The following KHSRP variants were observed in gnomAD, a reference collection of about 807,000 sequenced individuals.
KHSRP encodes KH-type splicing regulatory protein, also known as far upstream element-binding protein 2.
KHSRP carries 13 observed loss-of-function variants against 94.9 expected under a neutral mutation model. The ratio of observed to expected loss-of-function variants is 0.14; its 90% CI spans 0.09 to 0.22. KHSRP has a LOEUF of 0.22. KHSRP is among the 10% of genes least tolerant of loss of function. KHSRP has a pLI of 1.00. For missense variants in KHSRP, 710 were observed against 1,010.0 expected (o/e 0.70, Z 4.03); for synonymous variants, 495 against 401.4 (o/e 1.23, Z -2.79).
chr19:6,418,934 C>A lies in KHSRP; in HGVS notation c.606-58G>T, dbSNP rs1418017013. The A allele has an allele frequency of 6.8e-6, 10 of 1,475,904 alleles. No homozygotes were observed. The highest frequency in any genetic ancestry group is 1.4e-5 in the South Asian group (1 of 71,404). 91.4% of individuals were successfully genotyped at this position (1,475,904 alleles called of 1,614,324 possible). A position where few individuals can be genotyped will look rare whatever the true frequency, so the allele number is the denominator to read the frequency against. ...GCCACCGCTGGAGAAAGGTACTGGT[C>A]TGGTGGCCCACCCAGCTCAAAGGGA... On this transcript the variant is annotated intron_variant, in intron 7 of 18. Transcript: ENST00000600480. The surrounding 1 kb of genome is among the most constrained non-coding windows in gnomAD (Gnocchi z 4.3).
In KHSRP at chr19:6,416,666, A is replaced by T. The variant is rs778983369; in HGVS notation, c.1328-16T>A. The T allele has an allele frequency of 6.2e-7, 1 of 1,613,776 alleles. No individual in the cohort carries two copies. Among genetic ancestry groups the T allele is most frequent in the Non-Finnish European group, 8.5e-7 (1 of 1,179,758 alleles). Reference sequence around the variant, plus strand: ...TTCTCGCCACCTGCAGAAACGCAGAAGGTGAAGGTGGCCTGCAGTGATGGC... The same window carrying T: ...TTCTCGCCACCTGCAGAAACGCAGATGGTGAAGGTGGCCTGCAGTGATGGC... On this transcript the variant is annotated splice_polypyrimidine_tract_variant and intron_variant, in intron 13 of 18. Transcript: ENST00000600480.
chr19:6,418,149 G>C lies in KHSRP; in HGVS notation c.880-70C>G, dbSNP rs1206225454. ...CCCACACCCCCCCACCTCCTCGGGG[G>C]TGCGGGCCTCAACTAAGGACCCACG... is the stretch of plus-strand genomic sequence containing the variant. On this transcript the variant is annotated intron_variant, in intron 9 of 18. Coordinates refer to ENST00000600480, the MANE Select transcript of KHSRP (RefSeq NM_001366299.1). The surrounding 1 kb of genome is among the most constrained non-coding windows in gnomAD (Gnocchi z 4.3). 7.0e-7 allele frequency: 1 copy of C among 1,421,094 alleles called. No individual in the cohort carries two copies. The highest frequency in any genetic ancestry group is 1.4e-5 in the African/African-American group (1 of 71,082). The allele number at this position is 1,421,094 out of a possible 1,614,324, so 88.0% of individuals were successfully genotyped here.
chr19:6,419,634 C>CTT (rs1458037633), intron 6 of KHSRP, among the ~76,000 whole-genome samples: 1 of 152,224 alleles, frequency 6.6e-6, no homozygotes, highest in Admixed American at 6.5e-5. Flanking sequence ...GCTCAGGACT[C>CTT]TGAGATTCGA....
chr19:6,418,423 G>T lies in KHSRP; in HGVS notation c.879+60C>A. 1 of 1,245,614 alleles carries T rather than the reference G, an allele frequency of 8.0e-7. No homozygotes were observed. The highest frequency in any genetic ancestry group is 1.2e-6 in the Non-Finnish European group (1 of 854,762). 77.2% of individuals were successfully genotyped at this position (1,245,614 alleles called of 1,614,324 possible). ...CGGAATGCAGACCCCGAGACCGCTG[G>T]CCCTGCCCACCTGCCCGTGCCTCTC... On this transcript the variant is annotated intron_variant, in intron 9 of 18. Transcript: ENST00000600480. The surrounding 1 kb of genome is among the most constrained non-coding windows in gnomAD (Gnocchi z 4.3).
chr19:6,419,750 G>A (rs184558016), intron 6 of KHSRP, among the ~76,000 whole-genome samples: 1,594 of 152,296 alleles, frequency 0.01, 15 homozygotes, highest in South Asian at 0.029. Context: ...CCTGTCTCAC[G>A]CAGTCTTGCC....
chr19:6,420,175 C>A, intron 5 of KHSRP, 31 bp from the exon 6 acceptor site: 1 of 1,587,824 alleles, frequency 6.3e-7, no homozygotes, highest in Non-Finnish European at 8.6e-7. Flanking sequence ...AAAAGCAAAG[C>A]GTGATGAGGG....
At position 6,416,607 on chromosome 19, in the gene KHSRP, G is replaced by A. The variant is rs760146440; in HGVS notation, c.1371C>T (p.Phe457=). 7.4e-6 allele frequency: 12 copies of A among 1,613,728 alleles called. No individual in the cohort carries two copies. The highest frequency in any genetic ancestry group is 1.7e-5 in the Admixed American group (1 of 59,976). The part of the protein sequence containing the change: ...VKAINQQTGA[F]VEISRQLPPN... The stretch of plus-strand genomic sequence containing the variant: ...GTGGCAGCTGCCGGGAGATCTCTAC[G>A]AAGGCTCCCGTCTGCTGGTTTATGG... The change falls in exon 14 of 19, where the codon TTC becomes TTT. Residue 457 remains phenylalanine (F), a synonymous_variant. Transcript: ENST00000600480.
chr19:6,421,394 G>A, intron 3 of KHSRP, 77 bp from the exon 4 acceptor site: 1 of 1,454,038 alleles, frequency 6.9e-7, no homozygotes, highest in Non-Finnish European at 9.4e-7. Flanking sequence ...CCGGGTCAGT[G>A]GGAGCTGAGC....
Position 6,418,086 on chromosome 19 carries a change from A to T in KHSRP, c.880-7T>A, listed in dbSNP as rs892681831. 5.0e-6 allele frequency: 8 copies of T among 1,613,030 alleles called. No homozygotes were observed. The highest frequency in any genetic ancestry group is 6.8e-6 in the Non-Finnish European group (8 of 1,179,152). On this transcript the variant is annotated splice_region_variant and splice_polypyrimidine_tract_variant and intron_variant, in intron 9 of 18. Transcript: ENST00000600480. The surrounding 1 kb of genome is among the most constrained non-coding windows in gnomAD (Gnocchi z 4.3). Reference sequence around the variant, plus strand: ...TCACCATCTCACAGGCTTGCTGCAAACACACAGGAAGCAGCCCCCATGGGT... The same window carrying T: ...TCACCATCTCACAGGCTTGCTGCAATCACACAGGAAGCAGCCCCCATGGGT...
chr19:6,416,057 G>A (rs560079746), intron 15 of KHSRP, among the ~76,000 whole-genome samples, 161 bp from the exon 16 acceptor site: 7 of 152,350 alleles, frequency 4.6e-5, no homozygotes, highest in Admixed American at 1.3e-4. Context: ...CAACTCGAAG[G>A]ACGCGCAGCG....
rs1599236368 is a variant in KHSRP, at chr19:6,415,636, G to C, written c.1786C>G (p.Pro596Ala). The C allele has an allele frequency of 6.5e-7, 1 of 1,531,398 alleles. No homozygotes were observed. The highest frequency in any genetic ancestry group is 2.5e-5 in the East Asian group (1 of 40,748). The allele number at this position is 1,531,398 out of a possible 1,614,324, so 94.9% of individuals were successfully genotyped here. ...TGAGCCGGTGGGGCCGCAGGGGCCG[G>C]TGCGGGGCCGGGGACGGGGCCCGGG... is the stretch of plus-strand genomic sequence containing the variant. ...QPPGPVPGPA[P>A]APAAPPAQGE... Residue 596 changes from proline to alanine, a missense_variant, in exon 17 of 19, where the codon CCG becomes GCG. Around this residue, in one of 5 missense-constraint regions of KHSRP, gnomAD observed 292 missense variants for 340.5 expected, o/e 0.86. Coordinates refer to ENST00000600480, the MANE Select transcript of KHSRP (RefSeq NM_001366299.1).
At chr19:6,419,657 T>C (rs1469892573) in intron 6 of KHSRP, among the ~76,000 whole-genome samples, 1 of 152,168 alleles carries the variant, frequency 6.6e-6, no homozygotes, top group African/African-American at 2.4e-5. Context: ...GGTAACTACA[T>C]TGCCTGAGAG....
chr19:6,423,764 G>A (rs2092209648), intron 1 of KHSRP, among the ~76,000 whole-genome samples: 1 of 152,192 alleles, frequency 6.6e-6, no homozygotes, highest in South Asian at 2.1e-4. Flanking sequence ...CCAGGCCATG[G>A]GGAGGCTGCA....
chr19:6,414,437 CACG>C lies in KHSRP; in HGVS notation c.*584_*586del, dbSNP rs1220383763. 6.9e-5 allele frequency: 86 copies of C among 1,247,326 alleles called. No individual in the cohort carries two copies. The highest frequency in any genetic ancestry group is 7.9e-5 in the Non-Finnish European group (78 of 992,550). 77.3% of individuals were successfully genotyped at this position (1,247,326 alleles called of 1,614,324 possible). ...CGGAGGGCGGTGGCTCCCGGCGCAG[CACG>C]ACGACATGAACAATCCAGAGATCAT... On this transcript the variant is annotated 3_prime_UTR_variant, in exon 19 of 19. Coordinates refer to ENST00000600480, the MANE Select transcript of KHSRP (RefSeq NM_001366299.1).
chr19:6,422,100 G>A (rs761786694), intron 2 of KHSRP, among the ~76,000 whole-genome samples: 1 of 152,146 alleles, frequency 6.6e-6, no homozygotes, highest in Non-Finnish European at 1.5e-5. Flanking sequence ...CCCAGAAAGG[G>A]AGGAATCATC....
At chr19:6,417,674 C>CA in intron 11 of KHSRP, 65 bp downstream of exon 11, 1 of 1,427,942 alleles carries the variant, frequency 7.0e-7, no homozygotes, top group Non-Finnish European at 9.8e-7. Flanking sequence ...CCAGCTCCCT[C>CA]AGAGCCTGCC....
At position 6,415,886 on chromosome 19, in the gene KHSRP, GC is replaced by G. The variant is rs763740814; in HGVS notation, c.1608del (p.Pro538LeufsTer196). ...TGGGGTGGGTACTGGTGAGGAGGGG[GC>G]CCCCCGGCACTGCAGGAGAGAAGAA... is the stretch of plus-strand genomic sequence containing the variant. ...GPPGAPPHAG[G>X]PPPHQYPPQG... On this transcript the variant is annotated frameshift_variant, in exon 16 of 19. Transcript: ENST00000600480. LOFTEE classifies it high-confidence loss of function. The G allele has an allele frequency of 2.4e-5, 36 of 1,523,516 alleles. No homozygotes were observed. The highest frequency in any genetic ancestry group is 6.4e-5 in the South Asian group (5 of 78,668). The allele number at this position is 1,523,516 out of a possible 1,614,324, so 94.4% of individuals were successfully genotyped here.
rs753117969 is a variant in KHSRP, at chr19:6,420,031, A to C, written c.547+42T>G. Reference sequence around the variant, plus strand: ...AATTAAAGGAAAGTGCAAAGGGCCCAACCCTGGCCCCCACTCTGGCAGGAA... The same window carrying C: ...AATTAAAGGAAAGTGCAAAGGGCCCCACCCTGGCCCCCACTCTGGCAGGAA... On this transcript the variant is annotated intron_variant, in intron 6 of 18. Transcript: ENST00000600480. 2.7e-6 allele frequency: 4 copies of C among 1,486,594 alleles called. No homozygotes were observed. The South Asian group carries it at 4.6e-5, about 17-fold the overall frequency. The allele number at this position is 1,486,594 out of a possible 1,614,324, so 92.1% of individuals were successfully genotyped here.
chr19:6,422,328 G>A lies in KHSRP; in HGVS notation c.346+12C>T, dbSNP rs2092200143. ...CCTTCCTCCTAAGCTAAAGGCAGCA[G>A]CAGGGAGTTACCTCCATCTTCCAAC... On this transcript the variant is annotated intron_variant, in intron 2 of 18. Coordinates refer to ENST00000600480, the MANE Select transcript of KHSRP (RefSeq NM_001366299.1). 2 of 1,586,958 alleles carry A rather than the reference G, an allele frequency of 1.3e-6. No individual in the cohort carries two copies. The highest frequency in any genetic ancestry group is 1.3e-5 in the African/African-American group (1 of 74,514).
Sources: allele counts gnomAD v4.1 joint callset (sites outside exome capture counted in the v4.1 genomes callset), GRCh38; gene constraint gnomAD v4.1.1; regional missense constraint gnomAD v4.1.1; non-coding constraint Gnocchi (gnomAD v3.1); transcripts MANE v1.5; gene names NCBI Gene and HGNC (gene_info 2026-07-23, HGNC 2026-07-21).